Variants in CASD1 observed in about 807,000 individuals in gnomAD.
The protein encoded by CASD1 is N-acetylneuraminate (7)9-O-acetyltransferase.
A neutral mutation model predicts 100.0 loss-of-function variants in CASD1; 41 were observed. The observed-to-expected ratio is 0.41, with a 90% CI of 0.32 to 0.53. CASD1 has a LOEUF of 0.53. CASD1 is among the 20% of genes least tolerant of loss of function. The probability of loss-of-function intolerance (pLI) is 0.25; values close to 1 mark genes in which losing one functional copy is unlikely to be tolerated. For missense variants in CASD1, 774 were observed against 948.7 expected (o/e 0.82, Z 2.42); for synonymous variants, 321 against 315.6 (o/e 1.02, Z -0.18).
intron 5 of CASD1, among the ~76,000 whole-genome samples, chr7:94,531,885 G>C (rs546185937): frequency 6.6e-6 from 1 of 152,096 alleles, no homozygotes; most frequent in East Asian, 1.9e-4. Flanking sequence ...GCAGGCCTCA[G>C]CAATATCCTA....
chr7:94,517,487 ATATAGGG>A (rs1794037665), intron 1 of CASD1, 66 bp from the exon 2 acceptor site: 1 of 890,006 alleles, frequency 1.1e-6, no homozygotes, highest in Admixed American at 2.3e-5. Context: ...CAAGGAACTT[ATATAGGG>A]TCAAGATAGC....
intron 3 of CASD1, among the ~76,000 whole-genome samples, chr7:94,524,821 A>G (rs1049935083): frequency 6.6e-6 from 1 of 152,158 alleles, no homozygotes; most frequent in African/African-American, 2.4e-5. Context: ...TTTAAAGGCT[A>G]GGGAATGTTC....
In CASD1 at chr7:94,541,630, A is replaced by G. The variant is rs183575947; in HGVS notation, c.1356+2574A>G. Among the ~76,000 whole-genome samples, 407 of 132,074 alleles carry G rather than the reference A, an allele frequency of 3.1e-3. 2 individuals carry two copies. The highest frequency in any genetic ancestry group is 6.7e-3 in the Admixed American group (76 of 11,370). 86.6% of individuals were successfully genotyped at this position (132,074 alleles called of 152,430 possible). ...CCTGAATGAAAGGTCATGAGAATAT[A>G]TGGGGGACTGGAGAAAGCAGAACTG... On this transcript the variant is annotated intron_variant, in intron 10 of 17. Transcript: ENST00000297273.
chr7:94,537,746 A>G lies in CASD1; in HGVS notation c.1118A>G (p.Lys373Arg). Reference protein sequence around the residue: ...SLEILLQSFCKLGLIMAYFYM... With the variant: ...SLEILLQSFCRLGLIMAYFYM... ...GAAATACTTTTACAATCTTTCTGCA[A>G]ACTTGGCCTGATTATGGCATATTTC... Residue 373 changes from lysine to arginine, a missense_variant, in exon 9 of 18, where the codon AAA becomes AGA. By Grantham distance (26) the Lys-to-Arg change is conservative (BLOSUM62 2). Coordinates refer to ENST00000297273, the MANE Select transcript of CASD1 (RefSeq NM_022900.5). 2 of 1,613,828 alleles carry G rather than the reference A, an allele frequency of 1.2e-6. No individual in the cohort carries two copies. Among genetic ancestry groups the G allele is most frequent in the African/African-American group, 1.3e-5 (1 of 75,042 alleles).
chr7:94,619,576 C>T, the CASD1 span: 1 of 152,242 alleles, frequency 6.6e-6, no homozygotes, highest in Non-Finnish European at 1.5e-5. Context: ...ATTTGTTACT[C>T]AAATGCTACT....
intron 1 of CASD1, among the ~76,000 whole-genome samples, chr7:94,515,012 T>G (rs182556343): frequency 5.3e-4 from 81 of 151,986 alleles, no homozygotes; most frequent in African/African-American, 1.8e-3. Flanking sequence ...TTTTATGGAG[T>G]TTTTTCTGGA....
At chr7:94,528,752 T>C (rs778505351) in intron 5 of CASD1, among the ~76,000 whole-genome samples, 1 of 152,156 alleles carries the variant, frequency 6.6e-6, no homozygotes, top group Non-Finnish European at 1.5e-5. Flanking sequence ...GTAAGCATGC[T>C]ATTAACCTCA....
At chr7:94,538,003 A>T (rs1795201986) in intron 9 of CASD1, 109 bp downstream of exon 9, 20 of 660,690 alleles carry the variant, frequency 3.0e-5, no homozygotes, top group Non-Finnish European at 5.1e-5. Context: ...ACAGGTATAG[A>T]GATGAAGATG....
chr7:94,613,060 G>A, the CASD1 span, among the ~76,000 whole-genome samples: 1 of 152,198 alleles, frequency 6.6e-6, no homozygotes, highest in Non-Finnish European at 1.5e-5. Context: ...CTTTGCCACT[G>A]TCCTCAGGTA....
the CASD1 span, among the ~76,000 whole-genome samples, chr7:94,623,029 C>T: frequency 6.6e-6 from 1 of 152,044 alleles, no homozygotes; most frequent in Non-Finnish European, 1.5e-5. Flanking sequence ...TGAATCCTTA[C>T]CCCACACTTA....
intron 3 of CASD1, among the ~76,000 whole-genome samples, chr7:94,520,328 C>T (rs1231347100): frequency 2.6e-5 from 4 of 152,026 alleles, no homozygotes; most frequent in African/African-American, 9.7e-5. Flanking sequence ...ATGGGTATGT[C>T]TGGGTAGAAT....
the CASD1 span, chr7:94,625,716 A>C: frequency 2.6e-5 from 4 of 152,056 alleles, no homozygotes; most frequent in African/African-American, 9.7e-5. Context: ...ATTGCTGGGC[A>C]AGCTTAAGTT....
At chr7:94,601,321 G>A in the CASD1 span, among the ~76,000 whole-genome samples, 569 of 151,460 alleles carry the variant, frequency 3.8e-3, 8 homozygotes, top group African/African-American at 0.013. Flanking sequence ...AAAAAAGAGG[G>A]ACAATTTCCA....
At chr7:94,559,477 C>A (rs1796305096), downstream of CASD1, among the ~76,000 whole-genome samples, 1 of 152,136 alleles carries the variant, frequency 6.6e-6, no homozygotes, top group African/African-American at 2.4e-5. Flanking sequence ...TTGTCCTGAG[C>A]ACCTGACATT....
chr7:94,609,669 G>A, the CASD1 span, among the ~76,000 whole-genome samples: 7 of 152,130 alleles, frequency 4.6e-5, no homozygotes, highest in African/African-American at 4.8e-5. Flanking sequence ...AGTGAGATAC[G>A]CAACACACAG....
chr7:94,521,911 C>T (rs1421142434), intron 3 of CASD1, among the ~76,000 whole-genome samples: 1 of 152,144 alleles, frequency 6.6e-6, no homozygotes, highest in African/African-American at 2.4e-5. Flanking sequence ...CGGTGAAACC[C>T]TGTCTCTACT....
the CASD1 span, among the ~76,000 whole-genome samples, chr7:94,577,609 C>T: frequency 6.6e-6 from 1 of 152,162 alleles, no homozygotes; most frequent in Non-Finnish European, 1.5e-5. Flanking sequence ...CAGCCCTACA[C>T]ATTCATGTGT....
At chr7:94,620,568 AAAT>A in the CASD1 span, 2 of 152,244 alleles carry the variant, frequency 1.3e-5, no homozygotes, top group African/African-American at 4.8e-5. Context: ...TCTTGGCAAT[AAAT>A]AATAAAATAT....
downstream of CASD1, among the ~76,000 whole-genome samples, chr7:94,557,803 A>AT (rs1335792495): frequency 6.6e-6 from 1 of 151,876 alleles, no homozygotes; most frequent in African/African-American, 2.4e-5. Context: ...AGTTAAAAAT[A>AT]TTTTTTATAT....
Sources: gnomAD v4.1 joint callset for allele counts (sites outside exome capture counted in the v4.1 genomes callset) on GRCh38, gnomAD v4.1.1 for gene constraint, MANE v1.5 for transcripts, NCBI Gene and HGNC (gene_info 2026-07-23, HGNC 2026-07-21) for gene names.